Variants in ZBTB20 observed in about 807,000 individuals in gnomAD.
ZBTB20 encodes the protein zinc finger and BTB domain containing 20.
ZBTB20 carries 9 observed loss-of-function variants against 56.9 expected under a neutral mutation model. The observed-to-expected ratio is 0.16, with a 90% confidence interval of 0.10 to 0.28. ZBTB20 has a LOEUF of 0.28. Among genes scored for constraint, ZBTB20 ranks in the 10% least tolerant of loss-of-function variants. The probability of loss-of-function intolerance (pLI) is 1.00; values close to 1 mark genes in which losing one functional copy is unlikely to be tolerated. For synonymous variants in ZBTB20, 417 were observed against 420.7 expected (o/e 0.99, Z 0.11); for missense variants, 655 against 1,003.0 (o/e 0.65, Z 4.69).
intron 4 of ZBTB20, among the ~76,000 whole-genome samples, chr3:114,822,368 G>A (rs1169904679): frequency 7.0e-6 from 1 of 143,082 alleles, no homozygotes; most frequent in Non-Finnish European, 1.5e-5. Context: ...TTTTGAACAT[G>A]TTGACAAACC....
At chr3:114,541,960 T>C (rs1331818908) in intron 6 of ZBTB20, among the ~76,000 whole-genome samples, 1 of 152,190 alleles carries the variant, frequency 6.6e-6, no homozygotes, top group Non-Finnish European at 1.5e-5. Flanking sequence ...TTTATAGTAA[T>C]AGATCAACTA....
chr3:114,360,985 A>G (rs1197145549), intron 10 of ZBTB20, among the ~76,000 whole-genome samples: 2 of 152,214 alleles, frequency 1.3e-5, no homozygotes, highest in African/African-American at 4.8e-5. Context: ...AGTAGAAGGC[A>G]TACTTTATAA....
At chr3:114,881,876 T>C (rs560231612) in intron 4 of ZBTB20, among the ~76,000 whole-genome samples, 1 of 152,036 alleles carries the variant, frequency 6.6e-6, no homozygotes, top group South Asian at 2.1e-4. Context: ...ATCAAAGATG[T>C]AAATATTAAG....
intron 3 of ZBTB20, among the ~76,000 whole-genome samples, chr3:114,928,974 C>A (rs6774624): frequency 6.2e-4 from 95 of 152,284 alleles, no homozygotes; most frequent in African/African-American, 2.2e-3. Flanking sequence ...GGTGTACTGT[C>A]CTCTGTGAGA....
At chr3:114,884,524 A>T (rs553146757) in intron 4 of ZBTB20, among the ~76,000 whole-genome samples, 1 of 152,296 alleles carries the variant, frequency 6.6e-6, no homozygotes, top group South Asian at 2.1e-4. Context: ...TTGATTAGAC[A>T]CATTAAACTA....
intron 7 of ZBTB20, among the ~76,000 whole-genome samples, chr3:114,484,209 T>C (rs943586808): frequency 6.6e-6 from 1 of 152,206 alleles, no homozygotes; most frequent in African/African-American, 2.4e-5. Context: ...AGTATATGTG[T>C]AAATATGCAT....
intron 5 of ZBTB20, among the ~76,000 whole-genome samples, chr3:114,698,025 T>C (rs2063153330): frequency 6.6e-6 from 1 of 152,110 alleles, no homozygotes; most frequent in Non-Finnish European, 1.5e-5. Context: ...TTCACTATAC[T>C]GTCAGACTCC....
chr3:114,515,330 T>A (rs1433494225), intron 6 of ZBTB20, among the ~76,000 whole-genome samples: 3 of 152,158 alleles, frequency 2.0e-5, no homozygotes, highest in Admixed American at 2.0e-4. Context: ...ACCAGCTCCA[T>A]CAATTCCCTC....
At chr3:114,452,920 A>G (rs1235093046) in intron 7 of ZBTB20, among the ~76,000 whole-genome samples, 1 of 150,744 alleles carries the variant, frequency 6.6e-6, no homozygotes, top group Non-Finnish European at 1.5e-5. Context: ...TGTACCTTAA[A>G]AAGATTTCTA....
chr3:114,393,117 C>G (rs1216920413), intron 7 of ZBTB20, among the ~76,000 whole-genome samples: 1 of 152,210 alleles, frequency 6.6e-6, no homozygotes, highest in Non-Finnish European at 1.5e-5. Flanking sequence ...TTGAGACATC[C>G]ATTAAATAGC....
intron 4 of ZBTB20, among the ~76,000 whole-genome samples, chr3:114,804,990 T>C (rs888628819): frequency 2.6e-5 from 4 of 151,906 alleles, no homozygotes; most frequent in Non-Finnish European, 4.4e-5. Context: ...ATGTACACAT[T>C]ATATTCAAAC....
chr3:115,080,027 A>G (rs75688419), intron 1 of ZBTB20, among the ~76,000 whole-genome samples: 3,557 of 152,280 alleles, frequency 0.023, 179 homozygotes, highest in East Asian at 0.17. Context: ...CTGAATGTTC[A>G]TGCCCAAATT....
At chr3:114,373,019 C>T (rs1469729982) in intron 10 of ZBTB20, among the ~76,000 whole-genome samples, 1 of 151,932 alleles carries the variant, frequency 6.6e-6, no homozygotes, top group Non-Finnish European at 1.5e-5. Flanking sequence ...TGGGTTCAAG[C>T]GATTCTCCTA....
chr3:114,562,994 A>C (rs2052272997), intron 6 of ZBTB20, among the ~76,000 whole-genome samples: 1 of 152,236 alleles, frequency 6.6e-6, no homozygotes, highest in Non-Finnish European at 1.5e-5. Context: ...AAGAACCACC[A>C]AAATGTGACA....
intron 5 of ZBTB20, among the ~76,000 whole-genome samples, chr3:114,745,765 T>G (rs566536360): frequency 9.9e-5 from 15 of 152,232 alleles, no homozygotes; most frequent in South Asian, 8.3e-4. Context: ...GAGAGAGAAC[T>G]AACCACATAA....
intron 2 of ZBTB20, among the ~76,000 whole-genome samples, chr3:115,030,865 A>G (rs1196203857): frequency 6.6e-6 from 1 of 151,344 alleles, no homozygotes; most frequent in Non-Finnish European, 1.5e-5. Flanking sequence ...CTTTTCTCTC[A>G]TTAGACGTTA....
chr3:114,433,141 A>G (rs916837391), intron 7 of ZBTB20, among the ~76,000 whole-genome samples: 3 of 152,204 alleles, frequency 2.0e-5, no homozygotes, highest in Non-Finnish European at 4.4e-5. Context: ...AGACGAGGAA[A>G]CAGAAAAAAA....
At chr3:114,353,316 C>T (rs1008006021) in intron 10 of ZBTB20, among the ~76,000 whole-genome samples, 7 of 152,198 alleles carry the variant, frequency 4.6e-5, no homozygotes, top group African/African-American at 1.4e-4. Context: ...AAACTCTTTC[C>T]GCTCTACCTT....
chr3:115,092,383 G>T (rs1211091626), intron 1 of ZBTB20, among the ~76,000 whole-genome samples: 1 of 152,138 alleles, frequency 6.6e-6, no homozygotes, highest in African/African-American at 2.4e-5. Flanking sequence ...GTAAGAGACA[G>T]AATAGACCCT....
Sources: gnomAD v4.1 joint callset for allele counts (sites outside exome capture counted in the v4.1 genomes callset) on GRCh38, gnomAD v4.1.1 for gene constraint, MANE v1.5 for transcripts, NCBI Gene and HGNC (gene_info 2026-07-23, HGNC 2026-07-21) for gene names.